ZHX2: variants seen among roughly 807,000 people sequenced by gnomAD.
ZHX2 encodes zinc fingers and homeoboxes 2.
ZHX2 carries 6 observed loss-of-function variants against 21.9 expected under a neutral mutation model. The ratio of observed to expected loss-of-function variants is 0.27; its 90% CI spans 0.15 to 0.54. The LOEUF is 0.54. Among genes scored for constraint, ZHX2 ranks in the 20% least tolerant of loss-of-function variants. ZHX2 has a pLI of 0.95. For synonymous variants in ZHX2, 434 were observed against 437.1 expected (o/e 0.99, Z 0.09); for missense variants, 908 against 1,090.7 (o/e 0.83, Z 2.36).
chr8:122,792,007 G>A (rs1431769530), intron 1 of ZHX2, among the ~76,000 whole-genome samples: 1 of 152,130 alleles, frequency 6.6e-6, no homozygotes, highest in Non-Finnish European at 1.5e-5. Flanking sequence ...CACTTTAAGT[G>A]TACAATTTAT....
chr8:122,920,813 A>C (rs986756215), intron 2 of ZHX2, among the ~76,000 whole-genome samples: 4 of 152,190 alleles, frequency 2.6e-5, no homozygotes, highest in African/African-American at 9.7e-5. Context: ...TGATGAGCAC[A>C]AGTCACCCAC....
chr8:122,836,536 G>A (rs1012320525), intron 1 of ZHX2, among the ~76,000 whole-genome samples: 1 of 152,220 alleles, frequency 6.6e-6, no homozygotes, highest in Non-Finnish European at 1.5e-5. Context: ...GGAGCAACAT[G>A]CTGTTTTAAT....
intron 2 of ZHX2, among the ~76,000 whole-genome samples, chr8:122,890,116 C>A (rs1481634660): frequency 1.3e-5 from 2 of 152,016 alleles, no homozygotes; most frequent in Non-Finnish European, 2.9e-5. Context: ...CTTAAATCCA[C>A]TTTGAGTTGA....
intron 2 of ZHX2, among the ~76,000 whole-genome samples, chr8:122,950,365 T>G (rs531954828): frequency 2.0e-5 from 3 of 151,260 alleles, no homozygotes; most frequent in East Asian, 3.9e-4. Context: ...TAAGTGGGAG[T>G]TGAACAATGA....
chr8:122,844,695 A>G (rs527487897), intron 1 of ZHX2, among the ~76,000 whole-genome samples: 1 of 152,086 alleles, frequency 6.6e-6, no homozygotes, highest in African/African-American at 2.4e-5. Context: ...TATGACTACT[A>G]TTTCTCACTG....
chr8:122,884,496 C>A (rs1260081161), intron 2 of ZHX2, among the ~76,000 whole-genome samples: 1 of 152,218 alleles, frequency 6.6e-6, no homozygotes. Flanking sequence ...GTCAGCTCTT[C>A]CATTTTGTGC....
intron 1 of ZHX2, among the ~76,000 whole-genome samples, chr8:122,846,544 T>A (rs1331173433): frequency 6.8e-6 from 1 of 146,360 alleles, no homozygotes; most frequent in Non-Finnish European, 1.5e-5. Context: ...TTTCAGACTT[T>A]GTGTATTTTT....
Position 122,953,669 on chromosome 8 carries a change from C to A in ZHX2, c.2159C>A (p.Pro720Gln). The change falls in exon 3 of 4, where the codon CCA becomes CAA. Residue 720 changes from proline to glutamine, a missense_variant. By Grantham distance (76) the Pro-to-Gln change is moderately conservative. Transcript: ENST00000314393. This position sits in a 1 kb window ranked among gnomAD's most constrained non-coding sequence, Gnocchi z 4.6. ...GCAACAAAACCCATGGCCGAGAGCC[C>A]AAAGAACGGGGGTGATGTGGTTCCA... ...RKATKPMAES[P>Q]KNGGDVVPQY... is the part of the protein sequence containing the mutation. 4.3e-6 allele frequency: 7 copies of A among 1,614,182 alleles called. No homozygotes were observed. Among genetic ancestry groups the A allele is most frequent in the South Asian group, 1.1e-5 (1 of 91,084 alleles).
chr8:122,810,253 G>A (rs917641322), intron 1 of ZHX2, among the ~76,000 whole-genome samples: 2 of 152,136 alleles, frequency 1.3e-5, no homozygotes, highest in African/African-American at 4.8e-5. Flanking sequence ...CTCTATAAAC[G>A]TCAGTTTCCT....
chr8:122,804,441 C>T (rs1019829686), intron 1 of ZHX2, among the ~76,000 whole-genome samples: 1 of 152,136 alleles, frequency 6.6e-6, no homozygotes, highest in African/African-American at 2.4e-5. Flanking sequence ...AACAAACATT[C>T]ATTAAGTGCT....
chr8:122,879,654 G>A (rs1471146592), intron 2 of ZHX2, among the ~76,000 whole-genome samples: 1 of 152,054 alleles, frequency 6.6e-6, no homozygotes, highest in Non-Finnish European at 1.5e-5. Context: ...GACTTTCTCA[G>A]AGTGGCAAAG....
At position 122,839,720 on chromosome 8, in the gene ZHX2, T is replaced by TG. The variant is rs575189008; in HGVS notation, c.-282-23751dup. Among the ~76,000 whole-genome samples the TG allele has an allele frequency of 1.9e-3, 290 of 152,128 alleles. 1 individual carries two copies. The highest frequency in any genetic ancestry group is 6.8e-3 in the African/African-American group (284 of 41,488). On this transcript the variant is annotated intron_variant, in intron 1 of 3. Coordinates refer to ENST00000314393, the MANE Select transcript of ZHX2 (RefSeq NM_014943.5). ...GGTGGCACGGGGTGGCATGGGATCGTGGGGGGTTTGGTTTTGTTTTTGCTT... is the reference window on the plus strand; with the variant it reads ...GGTGGCACGGGGTGGCATGGGATCGTGGGGGGGTTTGGTTTTGTTTTTGCTT...
chr8:122,855,649 AT>A (rs145737856), intron 1 of ZHX2, among the ~76,000 whole-genome samples: 2 of 151,858 alleles, frequency 1.3e-5, no homozygotes, highest in Admixed American at 6.6e-5. Flanking sequence ...TCACACACAC[AT>A]TTTTTTCTTT....
rs781113410 is a variant in ZHX2 at position 122,951,582 on chromosome 8, C to G, written c.72C>G (p.Pro24=). The G allele has an allele frequency of 1.9e-6, 3 of 1,613,558 alleles. No individual in the cohort carries two copies. The highest frequency in any genetic ancestry group is 2.7e-5 in the African/African-American group (2 of 74,776). The change falls in exon 3 of 4, where the codon CCC becomes CCG. Residue 24 remains proline, a synonymous_variant. Coordinates refer to ENST00000314393, the MANE Select transcript of ZHX2 (RefSeq NM_014943.5). ...CACAAGTAGTAGAACAAGATGTGCC[C>G]GAGGAAGTAGACAGGGCCAAAGAGA... The part of the protein sequence containing the change: ...RTSQVVEQDV[P]EEVDRAKEKG...
chr8:122,834,979 G>C (rs111797305), intron 1 of ZHX2, among the ~76,000 whole-genome samples: 5,637 of 152,248 alleles, frequency 0.037, 318 homozygotes, highest in African/African-American at 0.13. Context: ...CAGTAGGCTG[G>C]GCAGGAGCTT....
At chr8:122,948,320 G>T (rs969257760) in intron 2 of ZHX2, among the ~76,000 whole-genome samples, 1 of 152,188 alleles carries the variant, frequency 6.6e-6, no homozygotes, top group South Asian at 2.1e-4. Context: ...GGAAGTCGGG[G>T]ATCTTTGCTT....
At chr8:122,801,737 G>A (rs1817724491) in intron 1 of ZHX2, among the ~76,000 whole-genome samples, 1 of 152,186 alleles carries the variant, frequency 6.6e-6, no homozygotes, top group Non-Finnish European at 1.5e-5. Context: ...AGGCCACAGA[G>A]TGAGACCTCA....
At chr8:122,825,644 A>G (rs1012900524) in intron 1 of ZHX2, among the ~76,000 whole-genome samples, 4 of 152,200 alleles carry the variant, frequency 2.6e-5, no homozygotes, top group Non-Finnish European at 5.9e-5. Context: ...CATGACCTCT[A>G]AGTTCCCTTC....
At chr8:122,893,280 A>G (rs1403024736) in intron 2 of ZHX2, among the ~76,000 whole-genome samples, 2 of 152,198 alleles carry the variant, frequency 1.3e-5, no homozygotes, top group South Asian at 2.1e-4. Context: ...CAGTTTGACT[A>G]TAGTGTGCCT....
Sources: gnomAD v4.1 joint callset for allele counts (sites outside exome capture counted in the v4.1 genomes callset) on GRCh38, gnomAD v4.1.1 for gene constraint, Gnocchi (gnomAD v3.1) non-coding constraint, MANE v1.5 for transcripts, NCBI Gene and HGNC (gene_info 2026-07-23, HGNC 2026-07-21) for gene names.